The following BLTP3B variants were observed in gnomAD, a reference collection of about 807,000 sequenced individuals.
BLTP3B encodes bridge-like lipid transfer protein family member 3B.
At chr12:100,079,582 A>G in the BLTP3B span, among the ~76,000 whole-genome samples, 1 of 152,344 alleles carries the variant, frequency 6.6e-6, no homozygotes, top group African/African-American at 2.4e-5. Flanking sequence ...CAAGGAGAGT[A>G]TAAAAGTTCA....
the BLTP3B span, among the ~76,000 whole-genome samples, chr12:100,043,067 G>A: frequency 6.6e-6 from 1 of 152,180 alleles, no homozygotes; most frequent in Non-Finnish European, 1.5e-5. Context: ...CCAAAGTGCT[G>A]AGATTACAGG....
chr12:100,063,865 T>C, the BLTP3B span, among the ~76,000 whole-genome samples: 4 of 152,090 alleles, frequency 2.6e-5, no homozygotes, highest in Non-Finnish European at 4.4e-5. Context: ...TCTGGTAATA[T>C]GACAAGACAA....
At chr12:100,141,451 A>G in the BLTP3B span, among the ~76,000 whole-genome samples, 1 of 151,800 alleles carries the variant, frequency 6.6e-6, no homozygotes, top group Admixed American at 6.6e-5. Flanking sequence ...ATATGTACAC[A>G]CACACACACA....
the BLTP3B span, among the ~76,000 whole-genome samples, chr12:100,112,918 C>T: frequency 6.6e-6 from 1 of 150,804 alleles, no homozygotes. Context: ...TGCCTGTAAT[C>T]CCAGCACTCT....
the BLTP3B span, among the ~76,000 whole-genome samples, chr12:100,101,679 T>G: frequency 2.6e-5 from 4 of 152,338 alleles, no homozygotes; most frequent in East Asian, 7.7e-4. Flanking sequence ...TATGAAATGA[T>G]CCCCATACTT....
chr12:100,061,969 C>T, the BLTP3B span, among the ~76,000 whole-genome samples: 1 of 152,280 alleles, frequency 6.6e-6, no homozygotes, highest in East Asian at 1.9e-4. Context: ...CAGACAATTA[C>T]GGTAAAATGA....
the BLTP3B span, among the ~76,000 whole-genome samples, chr12:100,117,903 T>A: frequency 3.3e-5 from 5 of 152,176 alleles, no homozygotes; most frequent in Admixed American, 3.3e-4. Flanking sequence ...TAGGAAGTTA[T>A]CTGGGGGACT....
the BLTP3B span, chr12:100,086,371 AAGGG>A: frequency 2.1e-6 from 1 of 471,216 alleles, no homozygotes; most frequent in Non-Finnish European, 3.9e-6. Flanking sequence ...GGGAAAAAAA[AAGGG>A]GGGGGGGGAA....
the BLTP3B span, among the ~76,000 whole-genome samples, chr12:100,129,715 A>G: frequency 3.3e-5 from 5 of 152,304 alleles, no homozygotes; most frequent in Admixed American, 6.5e-5. Context: ...CTGAGAGAAG[A>G]AGGCCTATTA....
chr12:100,133,399 C>T, the BLTP3B span, among the ~76,000 whole-genome samples: 2 of 152,062 alleles, frequency 1.3e-5, no homozygotes, highest in East Asian at 1.9e-4. Flanking sequence ...TTCAAAGGAC[C>T]GCAGAGTCAA....
chr12:100,094,729 A>G, the BLTP3B span, among the ~76,000 whole-genome samples: 2 of 152,208 alleles, frequency 1.3e-5, no homozygotes, highest in African/African-American at 4.8e-5. Flanking sequence ...GCGAGGTGGC[A>G]CTTGCCTGTA....
At chr12:100,103,869 GTA>G in the BLTP3B span, 5 of 1,466,698 alleles carry the variant, frequency 3.4e-6, no homozygotes, top group South Asian at 2.7e-5. Context: ...GCTAGATAAT[GTA>G]TATATATAAA....
At chr12:100,116,950 A>G in the BLTP3B span, among the ~76,000 whole-genome samples, 1 of 152,224 alleles carries the variant, frequency 6.6e-6, no homozygotes, top group Non-Finnish European at 1.5e-5. Context: ...GAGCCGTAAG[A>G]AAGAATTACC....
the BLTP3B span, among the ~76,000 whole-genome samples, chr12:100,094,071 C>T: frequency 3.7e-4 from 56 of 152,250 alleles, no homozygotes; most frequent in African/African-American, 1.3e-3. Context: ...TCCCTTACTT[C>T]TTCATGCTAA....
the BLTP3B span, among the ~76,000 whole-genome samples, chr12:100,124,265 G>A: frequency 6.6e-6 from 1 of 152,014 alleles, no homozygotes; most frequent in East Asian, 1.9e-4. Flanking sequence ...GGGAGAGAGA[G>A]TGAGACCTTG....
chr12:100,069,778 G>A, the BLTP3B span: 10 of 241,120 alleles, frequency 4.1e-5, no homozygotes, highest in African/African-American at 7.0e-5. Context: ...CCAGTGATGG[G>A]TGCAGCAAAA....
At chr12:100,062,312 G>C in the BLTP3B span, among the ~76,000 whole-genome samples, 19 of 152,212 alleles carry the variant, frequency 1.2e-4, no homozygotes, top group African/African-American at 4.6e-4. Flanking sequence ...CTTCTTTATT[G>C]TTAAAATACA....
the BLTP3B span, chr12:100,059,055 G>A: frequency 1.2e-5 from 19 of 1,613,922 alleles, no homozygotes; most frequent in African/African-American, 8.0e-5. Flanking sequence ...ACAAGTCTGC[G>A]GCTCTTTTTG....
At chr12:100,037,472 T>C in the BLTP3B span, 5 of 1,438,926 alleles carry the variant, frequency 3.5e-6, no homozygotes, top group Non-Finnish European at 9.0e-7. Flanking sequence ...CCCGTACTAA[T>C]ACTTTCTAAA....
Sources: allele counts gnomAD v4.1 joint callset (sites outside exome capture counted in the v4.1 genomes callset), GRCh38; gene constraint gnomAD v4.1.1; transcripts MANE v1.5; gene names NCBI Gene and HGNC (gene_info 2026-07-23, HGNC 2026-07-21).